Variants in SORCS2 observed in about 807,000 individuals in gnomAD.
SORCS2 encodes VPS10 domain-containing receptor SorCS2.
Under a neutral mutation model 141.6 loss-of-function variants are expected in SORCS2, and 100 were observed. The ratio of observed to expected loss-of-function variants is 0.71; its 90% CI spans 0.60 to 0.83. The LOEUF (loss-of-function observed/expected upper bound fraction) is 0.83, where lower values mean the gene tolerates loss of function less well. Among genes scored for constraint, SORCS2 ranks in the 40% least tolerant of loss-of-function variants. The pLI is 0.00. For missense variants in SORCS2, 1,646 were observed against 1,560.2 expected, an observed-to-expected ratio of 1.05 and a Z score of -0.93; for synonymous variants, 789 against 676.9, an observed-to-expected ratio of 1.17 and a Z score of -2.57.
At chr4:7,626,512 C>T (rs917063874) in intron 3 of SORCS2, among the ~76,000 whole-genome samples, 2 of 152,194 alleles carry the variant, frequency 1.3e-5, no homozygotes, top group African/African-American at 4.8e-5. Flanking sequence ...GTTAACCTTC[C>T]GGGCTGCTTC....
At chr4:7,381,926 C>T (rs1313386643) in intron 1 of SORCS2, 2 of 986,574 alleles carry the variant, frequency 2.0e-6, no homozygotes, top group East Asian at 2.3e-4. Context: ...AATGACCAGG[C>T]ACCAAGCTCT....
At chr4:7,479,270 C>T (rs868459628) in intron 2 of SORCS2, among the ~76,000 whole-genome samples, 4 of 151,920 alleles carry the variant, frequency 2.6e-5, no homozygotes, top group Non-Finnish European at 4.4e-5. Context: ...GGAAGCTCAG[C>T]TGAGCCTCAA....
intron 1 of SORCS2, among the ~76,000 whole-genome samples, chr4:7,334,635 G>A (rs750815576): frequency 2.0e-4 from 30 of 152,294 alleles, no homozygotes; most frequent in East Asian, 1.5e-3. Flanking sequence ...ATTCAGAGGC[G>A]GGGAGTGTGC....
At chr4:7,735,841 C>G (rs937677285) in intron 25 of SORCS2, among the ~76,000 whole-genome samples, 1 of 152,236 alleles carries the variant, frequency 6.6e-6, no homozygotes, top group Non-Finnish European at 1.5e-5. Context: ...CCCCTCCAGC[C>G]TATATCCCAT....
At chr4:7,675,770 A>G (rs1014821246) in intron 8 of SORCS2, among the ~76,000 whole-genome samples, 12 of 152,162 alleles carry the variant, frequency 7.9e-5, no homozygotes, top group African/African-American at 2.7e-4. Context: ...TGGGACCAGG[A>G]GGAGGAGGTG....
intron 2 of SORCS2, among the ~76,000 whole-genome samples, chr4:7,494,049 A>G (rs1577654973): frequency 6.6e-6 from 1 of 151,926 alleles, no homozygotes; most frequent in East Asian, 1.9e-4. Flanking sequence ...ACACACATAC[A>G]CTCACATGCT....
chr4:7,539,790 A>G (rs1577717748), intron 3 of SORCS2, among the ~76,000 whole-genome samples: 1 of 107,094 alleles, frequency 9.3e-6, no homozygotes, highest in Middle Eastern at 8.2e-3. Flanking sequence ...CCTGTTGTGG[A>G]TGCTCTGCCT....
At chr4:7,482,516 C>CT (rs780213602) in intron 2 of SORCS2, among the ~76,000 whole-genome samples, 2 of 68,934 alleles carry the variant, frequency 2.9e-5, no homozygotes. Flanking sequence ...ACACCCCTGA[C>CT]GCTGTTCAGA....
In SORCS2 at chr4:7,632,463, C is replaced by A. The variant is rs555212522; in HGVS notation, c.649-5865C>A. Among the ~76,000 whole-genome samples, 82 of 152,342 alleles carry A rather than the reference C, an allele frequency of 5.4e-4. No homozygotes were observed. In the South Asian group the frequency reaches 0.013, roughly 25 times the overall value. ...GATTTGTTTTCTTTGCTCCAATAAT[C>A]CTTCCCTGTCAGCACCTTCCTCTCC... On this transcript the variant is annotated intron_variant, in intron 3 of 26. Coordinates refer to ENST00000507866, the MANE Select transcript of SORCS2 (RefSeq NM_020777.3).
intron 2 of SORCS2, among the ~76,000 whole-genome samples, chr4:7,450,681 A>G (rs921244189): frequency 1.3e-5 from 2 of 152,276 alleles, no homozygotes; most frequent in Non-Finnish European, 2.9e-5. Flanking sequence ...GTACATCCGC[A>G]GCAGACTGAA....
At chr4:7,216,156 G>A (rs1160188750) in intron 1 of SORCS2, among the ~76,000 whole-genome samples, 2 of 152,120 alleles carry the variant, frequency 1.3e-5, no homozygotes, top group Non-Finnish European at 2.9e-5. Flanking sequence ...CTCCAGACGC[G>A]CCGCCTTAAG....
chr4:7,239,069 G>A (rs565075968), intron 1 of SORCS2, among the ~76,000 whole-genome samples: 25 of 152,318 alleles, frequency 1.6e-4, no homozygotes, highest in African/African-American at 4.8e-4. Flanking sequence ...AGACTCCCCC[G>A]TCCTCTTGGC....
chr4:7,462,853 C>T lies in SORCS2; in HGVS notation c.548+66498C>T, dbSNP rs140619928. Reference sequence around the variant, plus strand: ...CGGTGCACTCGCCAGAGGGAGCGCTCACAACATGCTATTATCATTTCCCAG... The same window carrying T: ...CGGTGCACTCGCCAGAGGGAGCGCTTACAACATGCTATTATCATTTCCCAG... On this transcript the variant is annotated intron_variant, in intron 2 of 26. Coordinates refer to ENST00000507866, the MANE Select transcript of SORCS2 (RefSeq NM_020777.3). Among the ~76,000 whole-genome samples, 650 of 150,042 alleles carry T rather than the reference C, an allele frequency of 4.3e-3. 3 individuals are homozygous for T. The highest frequency in any genetic ancestry group is 7.1e-3 in the Non-Finnish European group (482 of 67,730).
At chr4:7,396,813 G>C (rs1404303334) in intron 2 of SORCS2, among the ~76,000 whole-genome samples, 1 of 152,224 alleles carries the variant, frequency 6.6e-6, no homozygotes, top group Non-Finnish European at 1.5e-5. Flanking sequence ...ATAAGCCACT[G>C]GCGATGGGGG....
chr4:7,525,827 C>CCTA (rs1254571917), intron 2 of SORCS2, among the ~76,000 whole-genome samples: 2 of 98,742 alleles, frequency 2.0e-5, no homozygotes, highest in African/African-American at 8.6e-5. Context: ...TCACCTGTCC[C>CCTA]CTCAGTCACC....
chr4:7,615,331 C>T lies in SORCS2; in HGVS notation c.649-22997C>T, dbSNP rs1718689829. Among the ~76,000 whole-genome samples the T allele has an allele frequency of 2.0e-5, 3 of 152,212 alleles. No homozygotes were observed. The South Asian group carries it at 6.2e-4, about 32-fold the overall frequency. On this transcript the variant is annotated intron_variant, in intron 3 of 26. Transcript: ENST00000507866. ...GGACAAGTTGTGTACTGCACAGGGG[C>T]AATTAGCTGAGGACAAATGGGGCTA...
chr4:7,301,764 G>A (rs1324917774), intron 1 of SORCS2, among the ~76,000 whole-genome samples: 1 of 152,228 alleles, frequency 6.6e-6, no homozygotes, highest in Admixed American at 6.5e-5. Flanking sequence ...TTTTCCATGA[G>A]CTGCGCTGGC....
chr4:7,572,063 G>A (rs1297229182), intron 3 of SORCS2, among the ~76,000 whole-genome samples: 2 of 152,184 alleles, frequency 1.3e-5, no homozygotes, highest in African/African-American at 4.8e-5. Flanking sequence ...TTTGATCAAA[G>A]CATCCTCATC....
In SORCS2 at chr4:7,242,455, C is replaced by T. The variant is rs113520303; in HGVS notation, c.480+49329C>T. ...CTAGGCTCAAGCAGTCCTCCCACCC[C>T]GGCCTCCCAAAGTGCTGGGATTATA... is the stretch of plus-strand genomic sequence containing the variant. On this transcript the variant is annotated intron_variant, in intron 1 of 26. Transcript: ENST00000507866. 2.6e-3 allele frequency among the ~76,000 whole-genome samples: 388 copies of T among 152,146 alleles called. 1 individual carries two copies. The highest frequency in any genetic ancestry group is 7.7e-3 in the African/African-American group (320 of 41,508).
Sources: gnomAD v4.1 joint callset for allele counts (sites outside exome capture counted in the v4.1 genomes callset) on GRCh38, gnomAD v4.1.1 for gene constraint, MANE v1.5 for transcripts, NCBI Gene and HGNC (gene_info 2026-07-23, HGNC 2026-07-21) for gene names.